BIRC6: variants seen among roughly 807,000 people sequenced by gnomAD.
The protein encoded by BIRC6 is dual E2 ubiquitin-conjugating enzyme/E3 ubiquitin-protein ligase BIRC6.
BIRC6 carries 98 observed loss-of-function variants against 503.3 expected under a neutral mutation model. The observed-to-expected ratio is 0.19, with a 90% CI of 0.17 to 0.23. BIRC6 has a LOEUF of 0.23. Among genes scored for constraint, BIRC6 ranks in the 10% least tolerant of loss-of-function variants. The pLI is 1.00. For synonymous variants in BIRC6, 2,240 were observed against 2,078.7 expected (o/e 1.08, Z -2.11); for missense variants, 5,360 against 5,806.0 (o/e 0.92, Z 2.50).
intron 6 of BIRC6, among the ~76,000 whole-genome samples, chr2:32,397,270 A>C (rs1170181676): frequency 6.6e-6 from 1 of 151,792 alleles, no homozygotes; most frequent in Non-Finnish European, 1.5e-5. Flanking sequence ...CAAGAGTTCA[A>C]GACTAGCCTG....
intron 71 of BIRC6, 26 bp from the exon 72 acceptor site, chr2:32,607,429 A>AAT (rs2062550660): frequency 6.9e-7 from 1 of 1,443,028 alleles, no homozygotes; most frequent in East Asian, 2.4e-5. Context: ...GTCCCATCAT[A>AAT]GCTGTTCTTT....
At chr2:32,377,537 T>C in intron 1 of BIRC6, 51 bp from the exon 2 acceptor site, 3 of 1,422,420 alleles carry the variant, frequency 2.1e-6, no homozygotes, top group Non-Finnish European at 2.9e-6. Context: ...TTATTTTTAA[T>C]AGACCATTGG....
At chr2:32,559,704 G>A (rs1559052024) in intron 65 of BIRC6, among the ~76,000 whole-genome samples, 1 of 150,854 alleles carries the variant, frequency 6.6e-6, no homozygotes, top group Admixed American at 6.6e-5. Flanking sequence ...TTGGTTGGGG[G>A]GGTCTTCAAA....
chr2:32,456,543 T>G (rs560265300), intron 23 of BIRC6, among the ~76,000 whole-genome samples: 1 of 152,368 alleles, frequency 6.6e-6, no homozygotes, highest in South Asian at 2.1e-4. Flanking sequence ...TATATTCAGC[T>G]TCAGTAAGTA....
At chr2:32,503,262 C>A in intron 49 of BIRC6, 26 bp downstream of exon 49, 1 of 1,558,288 alleles carries the variant, frequency 6.4e-7, no homozygotes, top group Non-Finnish European at 8.7e-7. Context: ...CTAAATCTTA[C>A]TTATGTGAAA....
At chr2:32,433,422 G>T (rs1294510382) in intron 12 of BIRC6, among the ~76,000 whole-genome samples, 1 of 152,172 alleles carries the variant, frequency 6.6e-6, no homozygotes. Context: ...ATTGGTATAT[G>T]CAAGTCTCAA....
intron 10 of BIRC6, among the ~76,000 whole-genome samples, chr2:32,421,104 C>T (rs1241756102): frequency 6.9e-6 from 1 of 145,594 alleles, no homozygotes; most frequent in African/African-American, 2.5e-5. Flanking sequence ...TTCTTTCTTT[C>T]TTTCTTTCTT....
intron 1 of BIRC6, among the ~76,000 whole-genome samples, chr2:32,375,189 T>C (rs748296982): frequency 4.6e-5 from 7 of 152,194 alleles, no homozygotes; most frequent in Admixed American, 1.3e-4. Context: ...TCTACACGGG[T>C]AATCATTTCT....
rs2048310817 is a variant in BIRC6 at position 32,464,374 on chromosome 2, G to A, written c.4942-135G>A. 8.7e-6 allele frequency: 10 copies of A among 1,147,268 alleles called. No homozygotes were observed. In the South Asian group the frequency reaches 1.4e-4, roughly 16 times the overall value. 71.1% of individuals were successfully genotyped at this position (1,147,268 alleles called of 1,614,324 possible). A position where few individuals can be genotyped will look rare whatever the true frequency, so the allele number is the denominator to read the frequency against. On this transcript the variant is annotated intron_variant, in intron 24 of 73. Transcript: ENST00000421745. Reference sequence around the variant, plus strand: ...CAATGATCCATTTATATCGAGTCCAGTTTTGATTTAATTTCATCTTTAAGT... The same window carrying A: ...CAATGATCCATTTATATCGAGTCCAATTTTGATTTAATTTCATCTTTAAGT...
intron 45 of BIRC6, among the ~76,000 whole-genome samples, chr2:32,496,043 G>A (rs963384626): frequency 7.9e-5 from 12 of 151,862 alleles, no homozygotes; most frequent in Non-Finnish European, 8.8e-5. Flanking sequence ...GGGTTTCACC[G>A]TGTTAGCCAG....
chr2:32,364,204 G>T (rs1024650966), intron 1 of BIRC6, among the ~76,000 whole-genome samples: 24 of 152,176 alleles, frequency 1.6e-4, no homozygotes, highest in African/African-American at 5.8e-4. Context: ...GTGAATTCCA[G>T]ATCTGTGTTG....
chr2:32,375,346 G>T (rs1403294903), intron 1 of BIRC6, among the ~76,000 whole-genome samples: 1 of 152,118 alleles, frequency 6.6e-6, no homozygotes, highest in Non-Finnish European at 1.5e-5. Flanking sequence ...GTATGGGAAA[G>T]TATTCAGTCT....
intron 39 of BIRC6, among the ~76,000 whole-genome samples, chr2:32,485,322 C>T (rs747402704): frequency 1.3e-5 from 2 of 152,164 alleles, no homozygotes; most frequent in Non-Finnish European, 2.9e-5. Context: ...TTCATTTTAG[C>T]TTTCTTCTTG....
chr2:32,363,225 G>T (rs1038678378), intron 1 of BIRC6, among the ~76,000 whole-genome samples: 2 of 152,154 alleles, frequency 1.3e-5, no homozygotes, highest in Admixed American at 6.5e-5. Context: ...CCAGATACTC[G>T]GGAGGCTGAG....
Position 32,545,683 on chromosome 2 carries a change from C to T in BIRC6, c.12633C>T (p.Thr4211=), listed in dbSNP as rs188390334. The change falls in exon 63 of 74, where the codon ACC becomes ACT. Residue 4211 remains threonine (T), a synonymous_variant. Coordinates refer to ENST00000421745, the MANE Select transcript of BIRC6 (RefSeq NM_016252.4). ...LQSPSANVLP[T]LPFHVLRSLF... ...CTCCATCAGCCAATGTGCTTCCAACCCTTCCTTTCCACGTCCTTCGTAGCT... is the reference window on the plus strand; with the variant it reads ...CTCCATCAGCCAATGTGCTTCCAACTCTTCCTTTCCACGTCCTTCGTAGCT... The T allele has an allele frequency of 7.3e-5, 118 of 1,613,824 alleles. No individual in the cohort carries two copies. In the East Asian group the frequency reaches 2.2e-3, roughly 30 times the overall value.
intron 66 of BIRC6, among the ~76,000 whole-genome samples, chr2:32,582,825 G>A (rs2060772371): frequency 6.6e-6 from 1 of 152,114 alleles, no homozygotes; most frequent in African/African-American, 2.4e-5. Flanking sequence ...GATTAACACT[G>A]TGGGATTTTC....
chr2:32,567,663 C>T (rs1198152415), intron 65 of BIRC6, among the ~76,000 whole-genome samples: 1 of 152,216 alleles, frequency 6.6e-6, no homozygotes, highest in Non-Finnish European at 1.5e-5. Flanking sequence ...TATTTAGCTG[C>T]TTGTGCAACT....
rs1054321837 is a variant in BIRC6 at position 32,618,614 on chromosome 2, A to G, written c.*710A>G. 9 of 152,652 alleles carry G rather than the reference A, an allele frequency of 5.9e-5. No individual in the cohort carries two copies. The highest frequency in any genetic ancestry group is 1.3e-4 in the Admixed American group (2 of 15,280). 9.5% of individuals were successfully genotyped at this position (152,652 alleles called of 1,614,324 possible). ...TGCCAACATTTGGGCCTCTGAATGT[A>G]TCTGTTATTTGAATTTAAGTATTTG... On this transcript the variant is annotated 3_prime_UTR_variant, in exon 74 of 74. Transcript: ENST00000421745.
chr2:32,424,164 A>G (rs1025844810), intron 10 of BIRC6, among the ~76,000 whole-genome samples: 1 of 152,146 alleles, frequency 6.6e-6, no homozygotes, highest in Admixed American at 6.5e-5. Flanking sequence ...GTATATTGCT[A>G]TCATTGTGCT....
Sources: allele counts gnomAD v4.1 joint callset (sites outside exome capture counted in the v4.1 genomes callset), GRCh38; gene constraint gnomAD v4.1.1; transcripts MANE v1.5; gene names NCBI Gene and HGNC (gene_info 2026-07-23, HGNC 2026-07-21).